The following LRRC7 variants were observed in gnomAD, a reference collection of about 807,000 sequenced individuals.
LRRC7 encodes the protein leucine rich repeat containing 7, also known as leucine-rich repeat-containing protein 7.
A neutral mutation model predicts 175.7 loss-of-function variants in LRRC7; 23 were observed. The observed-to-expected ratio is 0.13, with a 90% CI of 0.09 to 0.19. The LOEUF (loss-of-function observed/expected upper bound fraction) is 0.19. Ranked by LOEUF, LRRC7 falls within the 10% of genes least tolerant of loss-of-function variation. The pLI is 1.00. For synonymous variants in LRRC7, 685 were observed against 680.9 expected, an observed-to-expected ratio of 1.01 and a Z score of -0.09; for missense variants, 1,354 against 1,904.7, an observed-to-expected ratio of 0.71 and a Z score of 5.38.
intron 25 of LRRC7, among the ~76,000 whole-genome samples, chr1:70,098,838 C>T (rs1319638388): frequency 5.9e-5 from 9 of 151,478 alleles, no homozygotes; most frequent in Middle Eastern, 3.4e-3. Context: ...AATAGCTTAC[C>T]AACCAAAAAG....
Position 69,569,476 on chromosome 1 carries a change from A to G in LRRC7, c.2+835A>G, listed in dbSNP as rs1297231528. ...GGACGTGTTTCGGATTCGACGTGGA[A>G]AGAGGGAGGGAAGCACATTAGCATT... On this transcript the variant is annotated intron_variant, in intron 1 of 26. Transcript: ENST00000651989. Among the ~76,000 whole-genome samples the G allele has an allele frequency of 2.0e-5, 3 of 151,954 alleles. No homozygotes were observed. In the East Asian group the frequency reaches 5.8e-4, roughly 29 times the overall value.
intron 7 of LRRC7, among the ~76,000 whole-genome samples, chr1:69,924,846 A>T (rs1182829678): frequency 6.6e-6 from 1 of 152,084 alleles, no homozygotes; most frequent in African/African-American, 2.4e-5. Context: ...GTTGAATAGG[A>T]GTGGTGAGAG....
At position 70,054,578 on chromosome 1, in the gene LRRC7, C is replaced by CTTTTTTTTT. The variant is rs35639787; in HGVS notation, c.4230+1456_4230+1464dup. Among the ~76,000 whole-genome samples, 37 of 53,834 alleles carry CTTTTTTTTT rather than the reference C, an allele frequency of 6.9e-4. 5 individuals are homozygous for CTTTTTTTTT. The highest frequency in any genetic ancestry group is 7.9e-4 in the African/African-American group (12 of 15,114). The allele number at this position is 53,834 out of a possible 152,430, so 35.3% of individuals were successfully genotyped here. A position where few individuals can be genotyped will look rare whatever the true frequency, so the allele number is the denominator to read the frequency against. On this transcript the variant is annotated intron_variant, in intron 23 of 26. Transcript: ENST00000651989. The stretch of plus-strand genomic sequence containing the variant: ...TTGAATTATGGTTCTTTACACTCTA[C>CTTTTTTTTT]TTTTTTTTTTTTTTTTTTTTTTTTT...
In LRRC7 at chr1:70,017,139, C is replaced by T. The variant is rs12143178; in HGVS notation, c.1320+605C>T. Among the ~76,000 whole-genome samples the T allele has an allele frequency of 2.4e-3, 370 of 151,870 alleles. 2 individuals are homozygous for T. The highest frequency in any genetic ancestry group is 4.8e-3 in the Non-Finnish European group (328 of 67,914). On this transcript the variant is annotated intron_variant, in intron 14 of 26. Coordinates refer to ENST00000651989, the MANE Select transcript of LRRC7 (RefSeq NM_001370785.2). The stretch of plus-strand genomic sequence containing the variant: ...TTAAAAATACCAAATTAGCCCAGCA[C>T]GGCAGCATGCCTGTAATCCCAGCTA...
At chr1:69,931,962 C>T (rs537079056) in intron 8 of LRRC7, among the ~76,000 whole-genome samples, 6 of 152,188 alleles carry the variant, frequency 3.9e-5, no homozygotes, top group South Asian at 4.1e-4. Flanking sequence ...CCTTGAAAAC[C>T]TGCTTTGGAG....
intron 18 of LRRC7, among the ~76,000 whole-genome samples, chr1:70,029,574 T>C (rs1184098166): frequency 6.6e-6 from 1 of 152,164 alleles, no homozygotes; most frequent in East Asian, 1.9e-4. Flanking sequence ...TCCAAAATAT[T>C]ATGCACATAT....
intron 24 of LRRC7, among the ~76,000 whole-genome samples, chr1:70,077,080 C>CTA (rs1319289658): frequency 6.6e-6 from 1 of 152,142 alleles, no homozygotes; most frequent in East Asian, 1.9e-4. Context: ...TTAATATGGT[C>CTA]TATAAAAGCT....
chr1:69,794,714 T>C (rs1675515430), intron 4 of LRRC7, among the ~76,000 whole-genome samples: 1 of 152,184 alleles, frequency 6.6e-6, no homozygotes, highest in Non-Finnish European at 1.5e-5. Flanking sequence ...AAATAATTTG[T>C]CACCCAATAT....
chr1:69,580,176 T>G (rs1490370866), intron 1 of LRRC7, among the ~76,000 whole-genome samples: 1 of 152,128 alleles, frequency 6.6e-6, no homozygotes, highest in Non-Finnish European at 1.5e-5. Flanking sequence ...CTTCTCAAAT[T>G]TATTGAGTTT....
chr1:69,848,225 C>G (rs1363547220), intron 7 of LRRC7, among the ~76,000 whole-genome samples: 1 of 151,998 alleles, frequency 6.6e-6, no homozygotes, highest in African/African-American at 2.4e-5. Flanking sequence ...AAGCTTAATT[C>G]TGTGAGGGTT....
intron 1 of LRRC7, among the ~76,000 whole-genome samples, chr1:69,572,671 G>C (rs1203283486): frequency 2.6e-5 from 4 of 152,132 alleles, no homozygotes; most frequent in Non-Finnish European, 5.9e-5. Context: ...ACTTAGGTAT[G>C]TCTAGAAGTA....
At chr1:69,613,863 G>C (rs1389577934) in intron 1 of LRRC7, among the ~76,000 whole-genome samples, 1 of 151,884 alleles carries the variant, frequency 6.6e-6, no homozygotes, top group East Asian at 1.9e-4. Flanking sequence ...TGTGTCATTA[G>C]GTTACACTTG....
At chr1:69,811,197 A>G (rs1282792993) in intron 4 of LRRC7, among the ~76,000 whole-genome samples, 2 of 152,212 alleles carry the variant, frequency 1.3e-5, no homozygotes, top group Non-Finnish European at 2.9e-5. Context: ...CATTAGAGAA[A>G]CGCAAATCAA....
In LRRC7 at chr1:69,919,309, T is replaced by C. The variant is rs1646810685; in HGVS notation, c.648-12198T>C. ...ATACATTAGCAAATAAATATGACCGTGTTCCAATAAAACTTTATTTACAAA... is the reference window on the plus strand; with the variant it reads ...ATACATTAGCAAATAAATATGACCGCGTTCCAATAAAACTTTATTTACAAA... On this transcript the variant is annotated intron_variant, in intron 7 of 26. Coordinates refer to ENST00000651989, the MANE Select transcript of LRRC7 (RefSeq NM_001370785.2). 6 of 557,472 alleles carry C rather than the reference T, an allele frequency of 1.1e-5. No homozygotes were observed. In the South Asian group the frequency reaches 1.4e-4, roughly 13 times the overall value. The allele number at this position is 557,472 out of a possible 1,614,324, so 34.5% of individuals were successfully genotyped here.
intron 14 of LRRC7, 94 bp from the exon 15 acceptor site, chr1:70,018,624 TC>T (rs1278206863): frequency 6.2e-6 from 4 of 643,872 alleles, no homozygotes; most frequent in Admixed American, 3.0e-5. Flanking sequence ...TTTCACTTTT[TC>T]CCCCCAATGT....
intron 1 of LRRC7, among the ~76,000 whole-genome samples, chr1:69,659,444 AT>A (rs1402581715): frequency 2.0e-5 from 3 of 151,904 alleles, no homozygotes; most frequent in African/African-American, 7.2e-5. Flanking sequence ...AGTAAAAAAA[AT>A]GTATAAATAG....
intron 7 of LRRC7, among the ~76,000 whole-genome samples, chr1:69,886,753 T>C (rs1188768254): frequency 1.3e-5 from 2 of 151,540 alleles, no homozygotes; most frequent in Non-Finnish European, 2.9e-5. Context: ...CAGCGACTGG[T>C]ACTGGTTGTT....
At chr1:69,835,690 C>A (rs993584974) in intron 6 of LRRC7, among the ~76,000 whole-genome samples, 1 of 151,824 alleles carries the variant, frequency 6.6e-6, no homozygotes, top group Non-Finnish European at 1.5e-5. Context: ...TGTCTATTGC[C>A]ATTGTCAGAT....
At chr1:69,903,553 TG>T (rs1316205938) in intron 7 of LRRC7, among the ~76,000 whole-genome samples, 9 of 151,980 alleles carry the variant, frequency 5.9e-5, no homozygotes, top group African/African-American at 1.7e-4. Context: ...CAAGACAAAG[TG>T]GGAAAGATTT....
Sources: gnomAD v4.1 joint callset for allele counts (sites outside exome capture counted in the v4.1 genomes callset) on GRCh38, gnomAD v4.1.1 for gene constraint, MANE v1.5 for transcripts, NCBI Gene and HGNC (gene_info 2026-07-23, HGNC 2026-07-21) for gene names.